CACHD1: variants seen among roughly 807,000 people sequenced by gnomAD.
CACHD1 encodes VWFA and cache domain-containing protein 1.
CACHD1 carries 71 observed loss-of-function variants against 138.7 expected under a neutral mutation model. That is an observed-to-expected ratio of 0.51 (90% confidence interval 0.42 to 0.62). CACHD1 has a LOEUF of 0.62. Among genes scored for constraint, CACHD1 ranks in the 20% least tolerant of loss-of-function variants. The pLI is 0.00. For synonymous variants in CACHD1, 578 were observed against 591.5 expected, an observed-to-expected ratio of 0.98 and a Z score of 0.33; for missense variants, 1,389 against 1,625.3, an observed-to-expected ratio of 0.85 and a Z score of 2.50.
intron 1 of CACHD1, among the ~76,000 whole-genome samples, chr1:64,484,603 C>G (rs999722411): frequency 2.6e-5 from 4 of 152,206 alleles, no homozygotes; most frequent in East Asian, 1.9e-4. Context: ...TTTCATCTTC[C>G]CAAACTCTGT....
chr1:64,488,267 A>C (rs188717245), intron 1 of CACHD1, among the ~76,000 whole-genome samples: 1 of 152,346 alleles, frequency 6.6e-6, no homozygotes, highest in Admixed American at 6.5e-5. Flanking sequence ...TCTCATTATG[A>C]CATAGTAAAA....
intron 1 of CACHD1, among the ~76,000 whole-genome samples, chr1:64,528,113 G>A (rs928421186): frequency 2.6e-5 from 4 of 152,178 alleles, no homozygotes; most frequent in South Asian, 2.1e-4. Flanking sequence ...AATAAGCCTG[G>A]TATTTAGAAT....
At chr1:64,527,252 A>G (rs1646548105) in intron 1 of CACHD1, among the ~76,000 whole-genome samples, 1 of 152,158 alleles carries the variant, frequency 6.6e-6, no homozygotes, top group South Asian at 2.1e-4. Context: ...GGGATCCATC[A>G]AGGACACCCC....
intron 1 of CACHD1, among the ~76,000 whole-genome samples, chr1:64,484,414 G>A (rs1376399051): frequency 2.6e-5 from 4 of 152,044 alleles, no homozygotes; most frequent in African/African-American, 4.8e-5. Flanking sequence ...AAGCCAGGCG[G>A]CTGACAGCAT....
chr1:64,690,728 G>T (rs1194968323), intron 26 of CACHD1, among the ~76,000 whole-genome samples: 2 of 152,132 alleles, frequency 1.3e-5, no homozygotes, highest in Non-Finnish European at 2.9e-5. Flanking sequence ...ATCACCATTG[G>T]TGTGCAAGAA....
intron 5 of CACHD1, among the ~76,000 whole-genome samples, chr1:64,630,078 A>AC (rs998395440): frequency 1.2e-4 from 18 of 150,156 alleles, no homozygotes; most frequent in Non-Finnish European, 1.3e-4. Context: ...TAATTATAGA[A>AC]CCCCCCCGAA....
At chr1:64,578,208 A>G (rs1308695541) in intron 2 of CACHD1, among the ~76,000 whole-genome samples, 2 of 152,254 alleles carry the variant, frequency 1.3e-5, no homozygotes, top group African/African-American at 2.4e-5. Flanking sequence ...TTGAATTTGT[A>G]TAAGTGAATG....
chr1:64,495,751 T>G (rs1158583525), intron 1 of CACHD1, among the ~76,000 whole-genome samples: 1 of 152,094 alleles, frequency 6.6e-6, no homozygotes, highest in Non-Finnish European at 1.5e-5. Flanking sequence ...CAAAGAGCCC[T>G]AGCACCAAAG....
chr1:64,582,358 A>ACATTT, intron 3 of CACHD1, 54 bp downstream of exon 3: 1 of 1,475,624 alleles, frequency 6.8e-7, no homozygotes, highest in Non-Finnish European at 9.4e-7. Context: ...AATTGCTTAT[A>ACATTT]CATTTCATTT....
At chr1:64,507,496 T>G (rs1020195190) in intron 1 of CACHD1, among the ~76,000 whole-genome samples, 3 of 152,222 alleles carry the variant, frequency 2.0e-5, no homozygotes, top group African/African-American at 7.2e-5. Context: ...GTTATTTTAC[T>G]TTCTGGGGTG....
intron 1 of CACHD1, among the ~76,000 whole-genome samples, chr1:64,488,761 C>A (rs1280578559): frequency 6.6e-6 from 1 of 152,018 alleles, no homozygotes; most frequent in Non-Finnish European, 1.5e-5. Context: ...CTGTAGAACA[C>A]CTTTAAAACA....
At chr1:64,636,779 G>A (rs1648539153) in intron 7 of CACHD1, among the ~76,000 whole-genome samples, 1 of 152,092 alleles carries the variant, frequency 6.6e-6, no homozygotes, top group Admixed American at 6.5e-5. Context: ...CTCAATGTAA[G>A]TTTATCAGGG....
intron 1 of CACHD1, among the ~76,000 whole-genome samples, chr1:64,549,860 T>C (rs1646746261): frequency 6.6e-6 from 1 of 152,114 alleles, no homozygotes; most frequent in South Asian, 2.1e-4. Context: ...TAGTTTGTTA[T>C]ATGTTAATCT....
intron 5 of CACHD1, 110 bp downstream of exon 5, chr1:64,629,591 G>T: frequency 7.8e-7 from 1 of 1,278,696 alleles, no homozygotes. Context: ...TGTGGATTCA[G>T]AAATTTGTAC....
chr1:64,658,898 A>G (rs752705094), intron 13 of CACHD1, 25 bp downstream of exon 13: 11 of 1,517,164 alleles, frequency 7.3e-6, no homozygotes, highest in South Asian at 1.3e-5. Context: ...CTTCCTTCAC[A>G]TTCTTACTCT....
At chr1:64,603,032 G>T in intron 4 of CACHD1, 120 bp downstream of exon 4, 2 of 454,554 alleles carry the variant, frequency 4.4e-6, no homozygotes, top group South Asian at 2.2e-5. Flanking sequence ...ACTTAAGATT[G>T]GATATTTCTT....
chr1:64,566,243 A>T (rs1011031999), intron 2 of CACHD1, among the ~76,000 whole-genome samples: 2 of 152,114 alleles, frequency 1.3e-5, no homozygotes, highest in African/African-American at 4.8e-5. Flanking sequence ...TGTCTGTTCC[A>T]TGTCTTGATG....
intron 2 of CACHD1, among the ~76,000 whole-genome samples, chr1:64,564,530 C>T (rs1046082733): frequency 1.3e-5 from 2 of 152,136 alleles, no homozygotes; most frequent in Non-Finnish European, 2.9e-5. Context: ...ATAAGTCTTT[C>T]TCCTGTCTTA....
intron 3 of CACHD1, among the ~76,000 whole-genome samples, chr1:64,601,778 A>T (rs11208479): frequency 0.014 from 2,135 of 152,294 alleles, 53 homozygotes; most frequent in African/African-American, 0.049. Context: ...ATTTGGGTTC[A>T]TGGAGTTGCA....
Sources: gnomAD v4.1 joint callset for allele counts (sites outside exome capture counted in the v4.1 genomes callset) on GRCh38, gnomAD v4.1.1 for gene constraint, MANE v1.5 for transcripts, NCBI Gene and HGNC (gene_info 2026-07-23, HGNC 2026-07-21) for gene names.